Variants in NDUFAF6 observed in about 807,000 individuals in gnomAD.
NDUFAF6 encodes the protein NADH dehydrogenase (ubiquinone) complex I, assembly factor 6.
NDUFAF6 carries 45 observed loss-of-function variants against 40.8 expected under a neutral mutation model. The observed-to-expected ratio is 1.10, with a 90% CI of 0.87 to 1.42. The LOEUF is 1.42. Among genes scored for constraint, NDUFAF6 ranks in the 40% most tolerant of loss-of-function variants. The probability of loss-of-function intolerance (pLI) is 0.00; values close to 1 mark genes in which losing one functional copy is unlikely to be tolerated. For synonymous variants in NDUFAF6, 185 were observed against 155.9 expected, an observed-to-expected ratio of 1.19 and a Z score of -1.39; for missense variants, 435 against 418.5, an observed-to-expected ratio of 1.04 and a Z score of -0.34.
At chr8:94,934,308 G>A (rs964181200) in intron 1 of NDUFAF6, among the ~76,000 whole-genome samples, 5 of 151,946 alleles carry the variant, frequency 3.3e-5, no homozygotes, top group African/African-American at 1.2e-4. Flanking sequence ...TTGCAAAGCT[G>A]CTGACTACAC....
intron 2 of NDUFAF6, among the ~76,000 whole-genome samples, chr8:94,945,777 G>A (rs1038225378): frequency 3.9e-5 from 6 of 152,324 alleles, no homozygotes; most frequent in Middle Eastern, 3.4e-3. Flanking sequence ...TCAGCAAAGA[G>A]GTGAAGCAAA....
chr8:94,938,693 A>G (rs549616443), intron 1 of NDUFAF6, among the ~76,000 whole-genome samples: 62 of 152,364 alleles, frequency 4.1e-4, no homozygotes, highest in African/African-American at 1.5e-3. Context: ...AGAGCTGAAC[A>G]TGTGGAGGTT....
chr8:95,044,670 G>A (rs959787568), intron 4 of NDUFAF6: 4 of 151,582 alleles, frequency 2.6e-5, no homozygotes, highest in African/African-American at 7.3e-5. Flanking sequence ...TGGCTAGGCT[G>A]GTCTTGAACT....
intron 1 of NDUFAF6, among the ~76,000 whole-genome samples, chr8:94,904,414 G>T (rs1478804071): frequency 7.6e-5 from 10 of 131,496 alleles, no homozygotes; most frequent in African/African-American, 2.3e-4. Flanking sequence ...CTGACCTCGT[G>T]ATCTGCCCGC....
At chr8:95,026,958 A>G (rs1183261552) in intron 1 of NDUFAF6, among the ~76,000 whole-genome samples, 1 of 152,084 alleles carries the variant, frequency 6.6e-6, no homozygotes, top group African/African-American at 2.4e-5. Context: ...AGGCGGGAGG[A>G]TCACTTCACT....
chr8:95,096,058 C>A (rs938154128), upstream of NDUFAF6, among the ~76,000 whole-genome samples: 2 of 152,330 alleles, frequency 1.3e-5, no homozygotes, highest in East Asian at 3.9e-4. Flanking sequence ...GTTTATACAT[C>A]ATTTGTTTTA....
At chr8:94,963,205 G>T (rs1386949547) in intron 1 of NDUFAF6, among the ~76,000 whole-genome samples, 1 of 152,178 alleles carries the variant, frequency 6.6e-6, no homozygotes, top group Non-Finnish European at 1.5e-5. Context: ...AGAAAAAGAA[G>T]GTTAGAAAAA....
Position 94,958,620 on chromosome 8 carries a change from C to T in NDUFAF6, c.-199+441C>T, listed in dbSNP as rs562298818. Among the ~76,000 whole-genome samples the T allele has an allele frequency of 3.8e-3, 545 of 145,104 alleles. 3 individuals carry two copies. Among genetic ancestry groups the T allele is most frequent in the African/African-American group, 0.013 (525 of 39,194 alleles). The stretch of plus-strand genomic sequence containing the variant: ...CATGATCTCAGCTCACTGCAGCCTC[C>T]GCCTTCTGGGTTCAAGCAATTCTCC... On this transcript the variant is annotated intron_variant, in intron 1 of 9. Transcript: ENST00000396111.
At chr8:95,060,958 A>G (rs761658886), downstream of NDUFAF6, among the ~76,000 whole-genome samples, 1 of 151,874 alleles carries the variant, frequency 6.6e-6, no homozygotes, top group South Asian at 2.1e-4. Flanking sequence ...GTGTGGGGGG[A>G]TGCTTCACCG....
intron 2 of NDUFAF6, among the ~76,000 whole-genome samples, chr8:95,008,889 A>G (rs1340547563): frequency 6.6e-6 from 1 of 152,186 alleles, no homozygotes; most frequent in Non-Finnish European, 1.5e-5. Context: ...ACAATTTTGT[A>G]ATACATTTAC....
At chr8:95,075,626 T>C in intron 9 of NDUFAF6, 1 of 1,288,386 alleles carries the variant, frequency 7.8e-7, no homozygotes, top group South Asian at 1.2e-5. Context: ...CTCTTTCCTC[T>C]CTGCAGGAAA....
At chr8:94,930,498 G>A (rs745376357) in intron 1 of NDUFAF6, 53 of 1,614,058 alleles carry the variant, frequency 3.3e-5, no homozygotes, top group African/African-American at 2.4e-4. Flanking sequence ...GTACTGACGC[G>A]GGCAGGGCTG....
At chr8:94,950,950 A>AT in intron 2 of NDUFAF6, 1 of 152,294 alleles carries the variant, frequency 6.6e-6, no homozygotes, top group South Asian at 2.1e-4. Flanking sequence ...GAAGTAGATC[A>AT]TTTTTCCAAA....
chr8:94,985,812 G>T (rs1207850658), intron 2 of NDUFAF6, among the ~76,000 whole-genome samples: 8 of 150,688 alleles, frequency 5.3e-5, no homozygotes, highest in African/African-American at 1.9e-4. Context: ...GGGATTACAG[G>T]TGTGAGCCTC....
intron 2 of NDUFAF6, among the ~76,000 whole-genome samples, chr8:94,994,909 A>G (rs922158373): frequency 3.9e-5 from 6 of 152,228 alleles, no homozygotes; most frequent in East Asian, 1.9e-4. Flanking sequence ...TGCAGCTGCT[A>G]TGGAAACCAA....
chr8:95,047,649 A>G (rs1040942172), intron 6 of NDUFAF6, among the ~76,000 whole-genome samples: 3 of 150,972 alleles, frequency 2.0e-5, no homozygotes, highest in African/African-American at 7.3e-5. Flanking sequence ...AGCTGGGACT[A>G]CAGGCGCCCG....
At chr8:94,941,527 C>CGTA (rs1276436077) in intron 1 of NDUFAF6, among the ~76,000 whole-genome samples, 3 of 152,222 alleles carry the variant, frequency 2.0e-5, no homozygotes, top group African/African-American at 7.2e-5. Flanking sequence ...CTCTTCTACT[C>CGTA]TGTACTTCTT....
At chr8:95,056,478 G>T (rs1009218373) in intron 8 of NDUFAF6, among the ~76,000 whole-genome samples, 3 of 152,044 alleles carry the variant, frequency 2.0e-5, no homozygotes, top group African/African-American at 7.2e-5. Flanking sequence ...CTCCCAAAGT[G>T]CTGGGATTAC....
At chr8:94,974,835 G>A (rs10099173) in intron 1 of NDUFAF6, 3,058 of 155,338 alleles carry the variant, frequency 0.02, 44 homozygotes, top group Non-Finnish European at 0.026. Context: ...CCGTATGCAG[G>A]AAGTACATAG....
Sources: allele counts gnomAD v4.1 joint callset (sites outside exome capture counted in the v4.1 genomes callset), GRCh38; gene constraint gnomAD v4.1.1; transcripts MANE v1.5; gene names NCBI Gene and HGNC (gene_info 2026-07-23, HGNC 2026-07-21).